The following C3orf20 variants were observed in gnomAD, a reference collection of about 807,000 sequenced individuals.
C3orf20 encodes family with sequence similarity 149 member C, also known as uncharacterized protein C3orf20.
In C3orf20, 76 loss-of-function variants were observed where a neutral mutation model predicts 88.3. The observed-to-expected ratio is 0.86, with a 90% CI of 0.72 to 1.04. The LOEUF (loss-of-function observed/expected upper bound fraction) is 1.04. C3orf20 is among the 50% of genes least tolerant of loss of function. The pLI is 0.00. For synonymous variants in C3orf20, 436 were observed against 437.4 expected (o/e 1.00, Z 0.04); for missense variants, 1,056 against 1,123.3 (o/e 0.94, Z 0.86).
chr3:14,681,677 C>T (rs1244984838), intron 1 of C3orf20, among the ~76,000 whole-genome samples: 1 of 152,144 alleles, frequency 6.6e-6, no homozygotes, highest in African/African-American at 2.4e-5. Flanking sequence ...TTTTGTGTAG[C>T]ATAAGATGTG....
chr3:14,707,974 C>T (rs2033589796), intron 7 of C3orf20, among the ~76,000 whole-genome samples: 2 of 151,988 alleles, frequency 1.3e-5, no homozygotes, highest in Admixed American at 1.3e-4. Context: ...TATGCACCAC[C>T]ACGCTGACTA....
chr3:14,743,408 G>C (rs2034971842), intron 12 of C3orf20, among the ~76,000 whole-genome samples: 1 of 152,024 alleles, frequency 6.6e-6, no homozygotes, highest in South Asian at 2.1e-4. Flanking sequence ...CTCTGCCCCT[G>C]TGACTTTGCA....
intron 10 of C3orf20, among the ~76,000 whole-genome samples, chr3:14,725,313 C>A (rs1361555155): frequency 2.6e-5 from 4 of 152,144 alleles, no homozygotes; most frequent in Non-Finnish European, 4.4e-5. Context: ...TGGGGCTCCT[C>A]CCTCCAAGTC....
chr3:14,720,986 T>C (rs2034136815), intron 9 of C3orf20, among the ~76,000 whole-genome samples: 1 of 152,216 alleles, frequency 6.6e-6, no homozygotes, highest in Admixed American at 6.5e-5. Flanking sequence ...TGAGTTGTTA[T>C]AAGGGCAACT....
chr3:14,713,307 T>C (rs2033819480), intron 7 of C3orf20, among the ~76,000 whole-genome samples: 1 of 152,216 alleles, frequency 6.6e-6, no homozygotes, highest in Non-Finnish European at 1.5e-5. Flanking sequence ...GTATGCTTGA[T>C]GGCCTCCCAC....
Position 14,703,256 on chromosome 3 carries a change from G to A in C3orf20, c.872G>A (p.Arg291His), listed in dbSNP as rs528361765. ...EAREKLQELC[R>H]HIEAERATWK... ...CGGGAGAAGCTGCAGGAGTTGTGTC[G>A]CCACATGTGAGCACCTCAGTGCTTG... Residue 291 changes from arginine (R) to histidine (H), a missense_variant, in exon 6 of 17, where the codon CGC becomes CAC. By Grantham distance (29) the Arg-to-His change is conservative (BLOSUM62 0). Coordinates refer to ENST00000253697, the MANE Select transcript of C3orf20 (RefSeq NM_032137.5). 2.6e-5 allele frequency: 42 copies of A among 1,614,022 alleles called. No individual in the cohort carries two copies. Among genetic ancestry groups the A allele is most frequent in the Admixed American group, 3.3e-5 (2 of 60,026 alleles).
At chr3:14,739,993 T>C (rs1274724918) in intron 12 of C3orf20, among the ~76,000 whole-genome samples, 1 of 152,238 alleles carries the variant, frequency 6.6e-6, no homozygotes, top group African/African-American at 2.4e-5. Context: ...ACTAAAACTT[T>C]CTCCATATCA....
intron 9 of C3orf20, among the ~76,000 whole-genome samples, chr3:14,719,592 G>C (rs1333194646): frequency 6.6e-6 from 1 of 152,194 alleles, no homozygotes; most frequent in Non-Finnish European, 1.5e-5. Flanking sequence ...CTGACCTAGG[G>C]TGAGAGACTG....
rs71038433 is a variant in C3orf20, at chr3:14,738,815, G to GTT, written c.1940+10146_1940+10147dup. Among the ~76,000 whole-genome samples the GTT allele has an allele frequency of 6.3e-3, 614 of 97,716 alleles. 15 individuals carry two copies. The highest frequency in any genetic ancestry group is 0.019 in the African/African-American group (530 of 27,890). The allele number at this position is 97,716 out of a possible 152,430, so 64.1% of individuals were successfully genotyped here. On this transcript the variant is annotated intron_variant, in intron 12 of 16. Transcript: ENST00000253697. ...ACCACCATGCCTGGCTAATTTTTTT[G>GTT]TTTTTTTTTTTTTTTTTTTTAGTAG...
In C3orf20 at chr3:14,704,633, G is replaced by C. The variant is rs750053964; in HGVS notation, c.1160+15G>C. ...TCCTTCGTTTAGTATCCTTTTATTT[G>C]GTACCACCCTATCTCCCCAGCTACT... is the stretch of plus-strand genomic sequence containing the variant. On this transcript the variant is annotated intron_variant, in intron 7 of 16. Coordinates refer to ENST00000253697, the MANE Select transcript of C3orf20 (RefSeq NM_032137.5). The C allele has an allele frequency of 1.2e-6, 2 of 1,609,628 alleles. No individual in the cohort carries two copies. The highest frequency in any genetic ancestry group is 1.7e-5 in the Admixed American group (1 of 59,994).
At position 14,714,012 on chromosome 3, in the gene C3orf20, C is replaced by T. The variant is rs765875635; in HGVS notation, c.1166C>T (p.Pro389Leu). 3 of 1,613,932 alleles carry T rather than the reference C, an allele frequency of 1.9e-6. No individual in the cohort carries two copies. The highest frequency in any genetic ancestry group is 2.5e-6 in the Non-Finnish European group (3 of 1,179,998). ...TACCTGAACATTTCTGCCAGCTATC[C>T]CTCTGGAAACGTCGCTGTATGTCAG... Reference protein sequence around the residue: ...FYDGSSFVYYPSGNVAVCQIP... With the variant: ...FYDGSSFVYYLSGNVAVCQIP... Residue 389 changes from proline to leucine, a missense_variant, in exon 8 of 17, where the codon CCC becomes CTC. Coordinates refer to ENST00000253697, the MANE Select transcript of C3orf20 (RefSeq NM_032137.5).
At chr3:14,681,195 G>T (rs904265811) in intron 1 of C3orf20, among the ~76,000 whole-genome samples, 1 of 152,202 alleles carries the variant, frequency 6.6e-6, no homozygotes. Flanking sequence ...CAAGAAAGAT[G>T]ATAGCCTTCT....
chr3:14,757,333 C>T, intron 12 of C3orf20, 38 bp from the exon 13 acceptor site: 1 of 1,560,824 alleles, frequency 6.4e-7, no homozygotes, highest in South Asian at 1.2e-5. Flanking sequence ...CCTTCACCAC[C>T]TTCTGAGGGT....
At chr3:14,679,167 T>C (rs1241408387) in intron 1 of C3orf20, among the ~76,000 whole-genome samples, 1 of 152,212 alleles carries the variant, frequency 6.6e-6, no homozygotes, top group Non-Finnish European at 1.5e-5. Context: ...CCTTTTTGTT[T>C]TTGTTTTTGT....
chr3:14,685,664 C>T (rs1316853555), intron 4 of C3orf20, among the ~76,000 whole-genome samples: 4 of 152,068 alleles, frequency 2.6e-5, no homozygotes, highest in African/African-American at 7.2e-5. Context: ...TATCTTCCCA[C>T]TCCCCCGCTG....
At chr3:14,762,756 C>A (rs1003260464) in intron 15 of C3orf20, among the ~76,000 whole-genome samples, 1 of 152,190 alleles carries the variant, frequency 6.6e-6, no homozygotes, top group Admixed American at 6.5e-5. Flanking sequence ...GACTGCACCC[C>A]CACAGCACCG....
intron 4 of C3orf20, among the ~76,000 whole-genome samples, chr3:14,684,960 G>C (rs2032317636): frequency 6.6e-6 from 1 of 152,196 alleles, no homozygotes. Context: ...AAGGCAGTAG[G>C]ATCCCTTGAG....
Position 14,726,974 on chromosome 3 carries a change from G to A in C3orf20, c.1640G>A (p.Arg547Gln), listed in dbSNP as rs756837188. The A allele has an allele frequency of 1.9e-5, 31 of 1,614,050 alleles. No individual in the cohort carries two copies. The highest frequency in any genetic ancestry group is 5.3e-5 in the African/African-American group (4 of 74,918). Residue 547 changes from arginine (R) to glutamine (Q), a missense_variant, in exon 11 of 17, where the codon CGG becomes CAG. By Grantham distance (43) the Arg-to-Gln change is conservative (BLOSUM62 1). Coordinates refer to ENST00000253697, the MANE Select transcript of C3orf20 (RefSeq NM_032137.5). ...CGAGCCCTGGCTGAGATCAAGAAGC[G>A]GTTTCAGAAGACAGTGACTCAGTTC... ...MSRALAEIKK[R>Q]FQKTVTQFIN...
At chr3:14,753,044 T>A (rs1197601458) in intron 12 of C3orf20, among the ~76,000 whole-genome samples, 1 of 152,156 alleles carries the variant, frequency 6.6e-6, no homozygotes, top group Non-Finnish European at 1.5e-5. Context: ...CACACATGTG[T>A]TTATTGCTGC....
Sources: gnomAD v4.1 joint callset for allele counts (sites outside exome capture counted in the v4.1 genomes callset) on GRCh38, gnomAD v4.1.1 for gene constraint, MANE v1.5 for transcripts, NCBI Gene and HGNC (gene_info 2026-07-23, HGNC 2026-07-21) for gene names.